Variants in TXNRD2 observed in about 807,000 individuals in gnomAD.
The protein encoded by TXNRD2 is thioredoxin reductase 2.
A neutral mutation model predicts 70.8 loss-of-function variants in TXNRD2; 67 were observed. The observed-to-expected ratio is 0.95, with a 90% CI of 0.78 to 1.16. TXNRD2 has a LOEUF of 1.16. Ranked by LOEUF, TXNRD2 falls within the 50% of genes most tolerant of loss-of-function variation. The pLI is 0.00. For missense variants in TXNRD2, 644 were observed against 719.9 expected, an observed-to-expected ratio of 0.89 and a Z score of 1.21; for synonymous variants, 301 against 295.8, an observed-to-expected ratio of 1.02 and a Z score of -0.18.
At chr22:19,877,494 C>T (rs1487873389) in intron 16 of TXNRD2, among the ~76,000 whole-genome samples, 1 of 152,150 alleles carries the variant, frequency 6.6e-6, no homozygotes, top group Non-Finnish European at 1.5e-5. Flanking sequence ...CTGTTCCATC[C>T]TCCCCTGCTA....
At chr22:19,898,956 A>G in intron 9 of TXNRD2, 93 bp downstream of exon 9, 1 of 1,529,136 alleles carries the variant, frequency 6.5e-7, no homozygotes, top group Non-Finnish European at 8.9e-7. Flanking sequence ...TGAGGCAGCA[A>G]AGAGCCTGCC....
At chr22:19,907,729 CACCA>C in intron 8 of TXNRD2, among the ~76,000 whole-genome samples, 1 of 54,552 alleles carries the variant, frequency 1.8e-5, no homozygotes, top group Admixed American at 2.8e-4. Flanking sequence ...AGTGTGGGCG[CACCA>C]TGGGTAGCAG....
intron 9 of TXNRD2, among the ~76,000 whole-genome samples, 197 bp from the exon 10 acceptor site, chr22:19,898,327 G>A (rs553765323): frequency 2.2e-4 from 33 of 152,292 alleles, no homozygotes; most frequent in African/African-American, 7.0e-4. Flanking sequence ...CAGCACCCAC[G>A]GACTAGGCCG....
At chr22:19,904,059 G>A (rs1442936395) in intron 8 of TXNRD2, among the ~76,000 whole-genome samples, 7 of 152,218 alleles carry the variant, frequency 4.6e-5, no homozygotes, top group Non-Finnish European at 7.3e-5. Context: ...TGGCAGAGGC[G>A]GAGCAGGAGC....
chr22:19,923,706 G>A (rs1332078129), intron 2 of TXNRD2, among the ~76,000 whole-genome samples: 1 of 152,116 alleles, frequency 6.6e-6, no homozygotes, highest in Admixed American at 6.5e-5. Flanking sequence ...GGAGGCTGAG[G>A]CAGAAGAACT....
intron 8 of TXNRD2, among the ~76,000 whole-genome samples, chr22:19,907,540 G>A (rs1601431074): frequency 2.3e-5 from 1 of 44,418 alleles, no homozygotes. Context: ...GGCGCCGTGG[G>A]TAGCAGTGAC....
At chr22:19,898,254 A>C (rs1156281931) in intron 9 of TXNRD2, 124 bp from the exon 10 acceptor site, 1 of 867,836 alleles carries the variant, frequency 1.2e-6, no homozygotes, top group Non-Finnish European at 1.9e-6. Context: ...GGAGGCTCCC[A>C]ACTCAAGACC....
chr22:19,890,269 C>T (rs183052974), intron 11 of TXNRD2, among the ~76,000 whole-genome samples: 1 of 152,344 alleles, frequency 6.6e-6, no homozygotes, highest in Admixed American at 6.5e-5. Context: ...GAATGTTCAT[C>T]TTGGCCCCAC....
chr22:19,903,836 C>G (rs1372586284), intron 8 of TXNRD2, among the ~76,000 whole-genome samples: 6 of 152,230 alleles, frequency 3.9e-5, no homozygotes, highest in African/African-American at 1.4e-4. Flanking sequence ...CTGCATGCCC[C>G]CTCTGAGCCT....
rs192078307 is a variant in TXNRD2 at position 19,913,245 on chromosome 22, G to A, written c.592-1798C>T. On this transcript the variant is annotated intron_variant, in intron 7 of 17. Transcript: ENST00000400521. ...CAAGAACTGGGAGATTCAGAATTAT[G>A]GAAATTAACCACAGGCTTGCAGCAA... is the stretch of plus-strand genomic sequence containing the variant. Among the ~76,000 whole-genome samples, 17 of 152,322 alleles carry A rather than the reference G, an allele frequency of 1.1e-4. No individual in the cohort carries two copies. The East Asian group carries it at 2.9e-3, about 26-fold the overall frequency.
chr22:19,877,516 G>T lies in TXNRD2; in HGVS notation c.1446-282C>A, dbSNP rs149817259. Among the ~76,000 whole-genome samples the T allele has an allele frequency of 3.9e-5, 6 of 152,174 alleles. No homozygotes were observed. The East Asian group carries it at 1.2e-3, about 29-fold the overall frequency. ...ATCCTCCCCTGCTAGGCACAGTCCT[G>T]CCTTAGGCCTCTGCTCTCTGCTTTA... On this transcript the variant is annotated intron_variant, in intron 16 of 17. Transcript: ENST00000400521.
At chr22:19,881,093 C>T in intron 12 of TXNRD2, 1 of 462,506 alleles carries the variant, frequency 2.2e-6, no homozygotes, top group East Asian at 3.2e-5. Context: ...TTTTCATTCA[C>T]TGGAATCCCC....
intron 7 of TXNRD2, 160 bp downstream of exon 7, chr22:19,915,054 G>T: frequency 1.4e-6 from 1 of 725,566 alleles, no homozygotes; most frequent in Non-Finnish European, 2.4e-6. Context: ...TCAGCAGTGT[G>T]GATTCAAGAG....
At chr22:19,909,272 A>G (rs1940210932) in intron 8 of TXNRD2, among the ~76,000 whole-genome samples, 1 of 152,080 alleles carries the variant, frequency 6.6e-6, no homozygotes, top group Admixed American at 6.5e-5. Flanking sequence ...ACAATGAATA[A>G]TTGGGAAAAT....
intron 5 of TXNRD2, 121 bp downstream of exon 5, chr22:19,918,022 G>T: frequency 1.2e-6 from 1 of 846,794 alleles, no homozygotes; most frequent in East Asian, 2.5e-5. Context: ...CCCATGAGCA[G>T]GACATGAACC....
At chr22:19,919,647 G>T in intron 2 of TXNRD2, 48 bp from the exon 3 acceptor site, 1 of 1,503,578 alleles carries the variant, frequency 6.7e-7, no homozygotes, top group South Asian at 1.2e-5. Flanking sequence ...GCTGGCTCAG[G>T]ACTCAAGAAC....
At chr22:19,889,208 G>T (rs1055899508) in intron 11 of TXNRD2, among the ~76,000 whole-genome samples, 1 of 152,196 alleles carries the variant, frequency 6.6e-6, no homozygotes, top group African/African-American at 2.4e-5. Flanking sequence ...TGTGCATTAT[G>T]ATGTGTAAGA....
intron 1 of TXNRD2, among the ~76,000 whole-genome samples, chr22:19,936,983 A>G (rs1023746559): frequency 6.6e-6 from 1 of 152,184 alleles, no homozygotes; most frequent in Non-Finnish European, 1.5e-5. Flanking sequence ...TTACCTTTTT[A>G]AAAGAATTCA....
intron 12 of TXNRD2, 146 bp downstream of exon 12, chr22:19,883,179 G>A: frequency 9.7e-7 from 1 of 1,030,898 alleles, no homozygotes; most frequent in East Asian, 2.5e-5. Context: ...ACTCCAGACA[G>A]GCTGGCCCTG....
Sources: gnomAD v4.1 joint callset for allele counts (sites outside exome capture counted in the v4.1 genomes callset) on GRCh38, gnomAD v4.1.1 for gene constraint, MANE v1.5 for transcripts, NCBI Gene and HGNC (gene_info 2026-07-23, HGNC 2026-07-21) for gene names.